Variants in AKAP6 observed in about 807,000 individuals in gnomAD.
AKAP6 encodes A-kinase anchoring protein 6.
Under a neutral mutation model 188.5 loss-of-function variants are expected in AKAP6, and 58 were observed. The ratio of observed to expected loss-of-function variants is 0.31; its 90% CI spans 0.25 to 0.38. The LOEUF is 0.38. AKAP6 is among the 10% of genes least tolerant of loss of function. The pLI is 1.00. For missense variants in AKAP6, 2,710 were observed against 2,740.0 expected (o/e 0.99, Z 0.24); for synonymous variants, 989 against 998.6 (o/e 0.99, Z 0.18).
chr14:32,621,589 A>G (rs1886816623), intron 7 of AKAP6, among the ~76,000 whole-genome samples: 2 of 152,100 alleles, frequency 1.3e-5, no homozygotes, highest in Non-Finnish European at 2.9e-5. Flanking sequence ...TTTGTGGCCT[A>G]TCATATGGTC....
intron 2 of AKAP6, among the ~76,000 whole-genome samples, chr14:32,462,507 C>A (rs574197929): frequency 1.3e-4 from 20 of 152,224 alleles, no homozygotes; most frequent in African/African-American, 4.6e-4. Context: ...AAATAAAATT[C>A]TTTATAGACA....
intron 2 of AKAP6, among the ~76,000 whole-genome samples, chr14:32,524,373 G>A (rs1403830200): frequency 6.6e-6 from 1 of 152,008 alleles, no homozygotes; most frequent in East Asian, 1.9e-4. Context: ...TTTTGGCCTG[G>A]GTGGTTGTTA....
chr14:32,362,233 G>T (rs554939222), intron 1 of AKAP6, among the ~76,000 whole-genome samples: 1 of 152,248 alleles, frequency 6.6e-6, no homozygotes, highest in South Asian at 2.1e-4. Flanking sequence ...ACAATCTTCA[G>T]CAGTGGTAAA....
chr14:32,813,437 G>C (rs1003198461), intron 12 of AKAP6, among the ~76,000 whole-genome samples: 13 of 119,026 alleles, frequency 1.1e-4, no homozygotes, highest in African/African-American at 4.2e-4. Context: ...GGAGCTGAAA[G>C]TTCCAGCCCT....
chr14:32,664,487 T>C (rs1888836507), intron 7 of AKAP6, among the ~76,000 whole-genome samples: 1 of 152,148 alleles, frequency 6.6e-6, no homozygotes, highest in South Asian at 2.1e-4. Context: ...ATTTAGGTTC[T>C]AGAGTTTTAC....
At chr14:32,799,292 T>G (rs2033867575) in intron 12 of AKAP6, among the ~76,000 whole-genome samples, 1 of 152,220 alleles carries the variant, frequency 6.6e-6, no homozygotes, top group Admixed American at 6.5e-5. Flanking sequence ...TGCTGTTTCC[T>G]TGTTTTCCAT....
chr14:32,728,994 T>C (rs1205227671), intron 9 of AKAP6, among the ~76,000 whole-genome samples: 2 of 152,204 alleles, frequency 1.3e-5, no homozygotes, highest in Non-Finnish European at 2.9e-5. Flanking sequence ...TAGAGTCTTA[T>C]AGCATTAGCT....
chr14:32,705,807 G>C (rs1175948040), intron 9 of AKAP6, among the ~76,000 whole-genome samples: 1 of 152,064 alleles, frequency 6.6e-6, no homozygotes. Context: ...GCTCTGCTTG[G>C]CATTGTCCTC....
At chr14:32,582,880 A>G (rs535907488) in intron 5 of AKAP6, among the ~76,000 whole-genome samples, 1 of 152,118 alleles carries the variant, frequency 6.6e-6, no homozygotes, top group South Asian at 2.1e-4. Flanking sequence ...TATTCTAGTT[A>G]TACATTCGTC....
chr14:32,633,534 T>A (rs1887361776), intron 7 of AKAP6, among the ~76,000 whole-genome samples: 1 of 152,074 alleles, frequency 6.6e-6, no homozygotes, highest in Non-Finnish European at 1.5e-5. Context: ...TTGGCTGGTA[T>A]GAGCTTTGGA....
Position 32,823,575 on chromosome 14 carries a change from G to A in AKAP6, c.5762G>A (p.Gly1921Asp). The change falls in exon 13 of 14, where the codon GGT becomes GAT. Residue 1921 changes from glycine to aspartate, a missense_variant. Coordinates refer to ENST00000280979, the MANE Select transcript of AKAP6 (RefSeq NM_004274.5). The stretch of plus-strand genomic sequence containing the variant: ...ACTTCAAAGGTATCAGAAAATCTTG[G>A]TTCACATGGGAAAGAGATTTCAGAG... ...NVTSKVSENL[G>D]SHGKEISESE... 1 of 1,613,936 alleles carries A rather than the reference G, an allele frequency of 6.2e-7. No homozygotes were observed. The highest frequency in any genetic ancestry group is 8.5e-7 in the Non-Finnish European group (1 of 1,179,906).
chr14:32,443,836 CG>C (rs1194584594), intron 2 of AKAP6, among the ~76,000 whole-genome samples: 10 of 152,232 alleles, frequency 6.6e-5, no homozygotes, highest in African/African-American at 2.2e-4. Flanking sequence ...TATGGTTTTT[CG>C]GGTTACATAT....
intron 2 of AKAP6, among the ~76,000 whole-genome samples, chr14:32,504,683 C>T (rs1880776654): frequency 6.6e-6 from 1 of 152,166 alleles, no homozygotes; most frequent in Non-Finnish European, 1.5e-5. Context: ...ATCATATCAT[C>T]TTTGAATAAT....
intron 7 of AKAP6, among the ~76,000 whole-genome samples, chr14:32,667,112 A>G (rs1407251517): frequency 6.6e-6 from 1 of 152,082 alleles, no homozygotes; most frequent in African/African-American, 2.4e-5. Context: ...TGAGGGTAAT[A>G]CTGAAATTTG....
At chr14:32,758,889 A>G (rs1022635777) in intron 11 of AKAP6, among the ~76,000 whole-genome samples, 1 of 152,192 alleles carries the variant, frequency 6.6e-6, no homozygotes, top group African/African-American at 2.4e-5. Flanking sequence ...GAACTCAGAG[A>G]TTTACCATCT....
At position 32,545,334 on chromosome 14, in the gene AKAP6, G is replaced by C; in HGVS notation, c.681G>C (p.Leu227=). The part of the protein sequence containing the change: ...SLDCGITAFE[L]SDYSPSEDLL... The stretch of plus-strand genomic sequence containing the variant: ...ATTGTGGCATTACTGCATTCGAACT[G>C]TCTGACTACAGTCCAAGTGAGGATT... The change falls in exon 4 of 14, where the codon CTG becomes CTC. Residue 227 remains leucine, a synonymous_variant. Coordinates refer to ENST00000280979, the MANE Select transcript of AKAP6 (RefSeq NM_004274.5). The C allele has an allele frequency of 1.9e-6, 3 of 1,614,146 alleles. No homozygotes were observed. Among genetic ancestry groups the C allele is most frequent in the South Asian group, 2.2e-5 (2 of 91,088 alleles).
At chr14:32,802,393 T>A (rs939581679) in intron 12 of AKAP6, among the ~76,000 whole-genome samples, 2 of 152,148 alleles carry the variant, frequency 1.3e-5, no homozygotes, top group African/African-American at 2.4e-5. Flanking sequence ...TATGACCAAG[T>A]GATTCACAAA....
chr14:32,443,416 A>AC (rs1566505732), intron 2 of AKAP6, among the ~76,000 whole-genome samples: 2 of 151,630 alleles, frequency 1.3e-5, no homozygotes, highest in Non-Finnish European at 2.9e-5. Context: ...ACAAAAAAAA[A>AC]ACAAAAAAAC....
chr14:32,679,759 T>A, intron 8 of AKAP6, among the ~76,000 whole-genome samples: 1 of 152,218 alleles, frequency 6.6e-6, no homozygotes, highest in East Asian at 1.9e-4. Flanking sequence ...TTTCTATAAC[T>A]TGTTGCTCCA....
Sources: allele counts gnomAD v4.1 joint callset (sites outside exome capture counted in the v4.1 genomes callset), GRCh38; gene constraint gnomAD v4.1.1; transcripts MANE v1.5; gene names NCBI Gene and HGNC (gene_info 2026-07-23, HGNC 2026-07-21).